The following ACCSL variants were observed in gnomAD, a reference collection of about 807,000 sequenced individuals.
ACCSL encodes 1-aminocyclopropane-1-carboxylate synthase homolog (inactive) like.
A neutral mutation model predicts 61.7 loss-of-function variants in ACCSL; 55 were observed. The ratio of observed to expected loss-of-function variants is 0.89; its 90% CI spans 0.72 to 1.12. The LOEUF is 1.12. Ranked by LOEUF, ACCSL falls within the 50% of genes most tolerant of loss-of-function variation. The pLI, the probability that ACCSL is intolerant of heterozygous loss-of-function variation, is 0.00. For missense variants in ACCSL, 632 were observed against 698.0 expected, an observed-to-expected ratio of 0.91 and a Z score of 1.07; for synonymous variants, 258 against 264.3, an observed-to-expected ratio of 0.98 and a Z score of 0.23.
the ACCSL span, among the ~76,000 whole-genome samples, chr11:43,980,779 C>T: frequency 6.6e-6 from 1 of 152,130 alleles, no homozygotes; most frequent in Non-Finnish European, 1.5e-5. Flanking sequence ...GTACCAAGTA[C>T]CAGGTACTGT....
upstream of ACCSL, among the ~76,000 whole-genome samples, chr11:44,044,851 C>T (rs1448901977): frequency 6.6e-6 from 1 of 152,128 alleles, no homozygotes; most frequent in Non-Finnish European, 1.5e-5. Flanking sequence ...ATCTACTGGG[C>T]TGATCCTGGG....
At chr11:43,929,461 G>A in the ACCSL span, among the ~76,000 whole-genome samples, 1 of 152,046 alleles carries the variant, frequency 6.6e-6, no homozygotes, top group Non-Finnish European at 1.5e-5. Context: ...AGACTGGAGT[G>A]AAGTGGCACG....
At chr11:43,996,957 C>T in the ACCSL span, among the ~76,000 whole-genome samples, 26 of 151,984 alleles carry the variant, frequency 1.7e-4, no homozygotes, top group Admixed American at 1.4e-3. Flanking sequence ...GGATTACAGG[C>T]GCCCACCTCC....
At chr11:43,942,626 C>T in the ACCSL span, 1 of 298,546 alleles carries the variant, frequency 3.3e-6, no homozygotes, top group South Asian at 2.5e-5. Flanking sequence ...CGAGCCTGGC[C>T]GCCGCGGGGC....
chr11:43,929,698 T>C, the ACCSL span, among the ~76,000 whole-genome samples: 1 of 152,176 alleles, frequency 6.6e-6, no homozygotes, highest in Non-Finnish European at 1.5e-5. Flanking sequence ...TGAGCCACCA[T>C]GCCCGACCGC....
the ACCSL span, among the ~76,000 whole-genome samples, chr11:44,005,070 C>T: frequency 8.0e-5 from 12 of 150,516 alleles, no homozygotes; most frequent in Admixed American, 5.3e-4. Flanking sequence ...CCTTCTCCCC[C>T]GTGCCAGTCT....
chr11:43,966,571 A>G, the ACCSL span, among the ~76,000 whole-genome samples: 3 of 152,212 alleles, frequency 2.0e-5, no homozygotes, highest in East Asian at 3.8e-4. Flanking sequence ...TATGTAAAGA[A>G]CTCTTACAAC....
chr11:43,939,617 T>C, the ACCSL span, among the ~76,000 whole-genome samples: 1 of 152,022 alleles, frequency 6.6e-6, no homozygotes, highest in Non-Finnish European at 1.5e-5. Flanking sequence ...TCAACTTATT[T>C]TTTATTTTTT....
At chr11:43,978,783 G>GT in the ACCSL span, among the ~76,000 whole-genome samples, 6,591 of 79,000 alleles carry the variant, frequency 0.083, 541 homozygotes, top group East Asian at 0.16. Context: ...GAGAAGGTGG[G>GT]TTTTTTTTTT....
At chr11:43,948,231 A>G in the ACCSL span, among the ~76,000 whole-genome samples, 2 of 152,162 alleles carry the variant, frequency 1.3e-5, no homozygotes, top group Non-Finnish European at 2.9e-5. Context: ...GAGGTCAGCT[A>G]TGGACTTCAG....
the ACCSL span, among the ~76,000 whole-genome samples, chr11:43,998,422 C>G: frequency 7.2e-5 from 11 of 152,060 alleles, no homozygotes; most frequent in Non-Finnish European, 1.3e-4. Flanking sequence ...AAAACCAGAG[C>G]CTTTGTGACT....
the ACCSL span, among the ~76,000 whole-genome samples, chr11:43,960,969 C>G: frequency 6.6e-6 from 1 of 152,234 alleles, no homozygotes; most frequent in South Asian, 2.1e-4. Flanking sequence ...CAGGTGCCTG[C>G]CACCACACTT....
At chr11:44,054,366 T>A (rs1952657813) in intron 8 of ACCSL, among the ~76,000 whole-genome samples, 1 of 152,078 alleles carries the variant, frequency 6.6e-6, no homozygotes, top group African/African-American at 2.4e-5. Context: ...ATAGAATGGG[T>A]TCACTTCCCA....
the ACCSL span, among the ~76,000 whole-genome samples, chr11:43,959,739 CA>C: frequency 6.6e-6 from 1 of 152,174 alleles, no homozygotes; most frequent in Non-Finnish European, 1.5e-5. Context: ...CAGGGAGATT[CA>C]GGCAGGCAGG....
the ACCSL span, among the ~76,000 whole-genome samples, chr11:43,969,073 G>T: frequency 9.1e-4 from 138 of 152,234 alleles, 1 homozygote; most frequent in Admixed American, 9.0e-3. Flanking sequence ...TTGATGCTGG[G>T]CAGAGTGGCT....
At chr11:43,956,456 G>A in the ACCSL span, among the ~76,000 whole-genome samples, 1 of 151,628 alleles carries the variant, frequency 6.6e-6, no homozygotes, top group African/African-American at 2.4e-5. Flanking sequence ...GTCTCGCTCT[G>A]TTGCCCAGGC....
chr11:43,923,185 T>C, the ACCSL span, among the ~76,000 whole-genome samples: 1 of 152,152 alleles, frequency 6.6e-6, no homozygotes, highest in African/African-American at 2.4e-5. Context: ...AAGTAGGCCC[T>C]GCAGTGCGCT....
the ACCSL span, among the ~76,000 whole-genome samples, chr11:44,015,408 C>G: frequency 6.6e-6 from 1 of 152,176 alleles, no homozygotes; most frequent in East Asian, 1.9e-4. Context: ...GCATTGCCTC[C>G]CACCCACTCT....
At chr11:44,028,323 G>A in the ACCSL span, among the ~76,000 whole-genome samples, 1 of 152,054 alleles carries the variant, frequency 6.6e-6, no homozygotes, top group Non-Finnish European at 1.5e-5. Flanking sequence ...GTTAGAGTTG[G>A]AGTGGGCAGG....
Sources: allele counts gnomAD v4.1 joint callset (sites outside exome capture counted in the v4.1 genomes callset), GRCh38; gene constraint gnomAD v4.1.1; transcripts MANE v1.5; gene names NCBI Gene and HGNC (gene_info 2026-07-23, HGNC 2026-07-21).